IL1RL2: variants seen among roughly 807,000 people sequenced by gnomAD.
IL1RL2 encodes interleukin-1 receptor-like 2.
A neutral mutation model predicts 66.8 loss-of-function variants in IL1RL2; 68 were observed. The observed-to-expected ratio is 1.02, with a 90% CI of 0.84 to 1.25. IL1RL2 has a LOEUF of 1.25. Among genes scored for constraint, IL1RL2 ranks in the 50% most tolerant of loss-of-function variants. IL1RL2 has a pLI of 0.00. For synonymous variants in IL1RL2, 305 were observed against 264.6 expected (o/e 1.15, Z -1.48); for missense variants, 729 against 709.3 (o/e 1.03, Z -0.32).
At chr2:102,222,917 A>G (rs1472397380) in intron 8 of IL1RL2, among the ~76,000 whole-genome samples, 2 of 152,184 alleles carry the variant, frequency 1.3e-5, no homozygotes, top group Non-Finnish European at 2.9e-5. Context: ...TTCTTTACTG[A>G]ATAATATAGA....
rs747086664 is a variant in IL1RL2, at chr2:102,235,204, C to T, written c.1605C>T (p.His535=). The part of the protein sequence containing the change: ...KTKFWKTVRY[H]MPPRRCRPFP... ...AGTTTTGGAAGACAGTGAGATACCA[C>T]ATGCCGCCCAGAAGGTGTCGGCCGT... Residue 535 remains histidine, a synonymous_variant, in exon 11 of 12, where the codon CAC becomes CAT. Coordinates refer to ENST00000264257, the MANE Select transcript of IL1RL2 (RefSeq NM_003854.4). 1 of 1,614,240 alleles carries T rather than the reference C, an allele frequency of 6.2e-7. No homozygotes were observed. The highest frequency in any genetic ancestry group is 1.1e-5 in the South Asian group (1 of 91,088).
chr2:102,236,025 G>A (rs757645679), intron 11 of IL1RL2: 28 of 780,010 alleles, frequency 3.6e-5, no homozygotes, highest in Non-Finnish European at 4.2e-5. Flanking sequence ...TGTGAGAGAC[G>A]CAATTAGCAC....
At chr2:102,211,323 A>G (rs543693349) in intron 5 of IL1RL2, among the ~76,000 whole-genome samples, 1 of 152,330 alleles carries the variant, frequency 6.6e-6, no homozygotes, top group African/African-American at 2.4e-5. Flanking sequence ...GTAGAGAAAG[A>G]CTGAGGGGCA....
chr2:102,237,148 C>T (rs1674956051), intron 11 of IL1RL2, among the ~76,000 whole-genome samples: 2 of 152,212 alleles, frequency 1.3e-5, no homozygotes, highest in Admixed American at 1.3e-4. Flanking sequence ...CCCACTCTCC[C>T]CACACTGTGG....
intron 6 of IL1RL2, among the ~76,000 whole-genome samples, chr2:102,214,821 G>T (rs1362548250): frequency 6.6e-6 from 1 of 152,126 alleles, no homozygotes; most frequent in African/African-American, 2.4e-5. Flanking sequence ...CAACAAAATT[G>T]CTGACTAGGG....
chr2:102,205,423 A>T (rs1578128820), intron 5 of IL1RL2, among the ~76,000 whole-genome samples: 1 of 152,164 alleles, frequency 6.6e-6, no homozygotes, highest in East Asian at 1.9e-4. Context: ...TCCCTTTAAC[A>T]TTTCTTGTAG....
At position 102,204,534 on chromosome 2, in the gene IL1RL2, A is replaced by G. The variant is rs143497974; in HGVS notation, c.649+2819A>G. Among the ~76,000 whole-genome samples the G allele has an allele frequency of 1.3e-3, 194 of 152,188 alleles. 1 individual carries two copies. The highest frequency in any genetic ancestry group is 4.3e-3 in the African/African-American group (178 of 41,546). ...GAGCCTATCTTTCTCTTTAGCTCCA[A>G]TAATATTTGTTTTTATATCTGAGTG... On this transcript the variant is annotated intron_variant, in intron 5 of 11. Transcript: ENST00000264257.
At chr2:102,187,227 C>CT in intron 1 of IL1RL2, 141 bp downstream of exon 1, 1 of 1,203,410 alleles carries the variant, frequency 8.3e-7, no homozygotes, top group Non-Finnish European at 1.1e-6. Context: ...CCCCGACCGG[C>CT]TAGGTGACCA....
chr2:102,187,777 T>A, intron 1 of IL1RL2, 79 bp from the exon 2 acceptor site: 2 of 1,230,388 alleles, frequency 1.6e-6, no homozygotes, highest in Non-Finnish European at 2.4e-6. Context: ...GTCTTTGAGA[T>A]TCCGAGGTCG....
At position 102,210,023 on chromosome 2, in the gene IL1RL2, T is replaced by C. The variant is rs564727179; in HGVS notation, c.650-2077T>C. 2.0e-5 allele frequency among the ~76,000 whole-genome samples: 3 copies of C among 147,874 alleles called. No individual in the cohort carries two copies. The East Asian group carries it at 6.2e-4, about 30-fold the overall frequency. Reference sequence around the variant, plus strand: ...TCAGATAATTCACTAATAAGATGTGTAATTATAGGGAAGATGAAAGCGTGA... The same window carrying C: ...TCAGATAATTCACTAATAAGATGTGCAATTATAGGGAAGATGAAAGCGTGA... On this transcript the variant is annotated intron_variant, in intron 5 of 11. Coordinates refer to ENST00000264257, the MANE Select transcript of IL1RL2 (RefSeq NM_003854.4).
In IL1RL2 at chr2:102,187,981, C is replaced by T. The variant is rs1686843224; in HGVS notation, c.58+56C>T. 1.9e-6 allele frequency: 3 copies of T among 1,545,288 alleles called. No individual in the cohort carries two copies. In the Admixed American group the frequency reaches 5.0e-5, roughly 26 times the overall value. On this transcript the variant is annotated intron_variant, in intron 2 of 11. Coordinates refer to ENST00000264257, the MANE Select transcript of IL1RL2 (RefSeq NM_003854.4). ...GCTGCCCGAGTCCACAGGCTCCTGG[C>T]CTGTCATTGGGAGCCCCCGGGGATC...
chr2:102,194,727 AT>A (rs1414586176), intron 4 of IL1RL2, among the ~76,000 whole-genome samples: 2 of 146,220 alleles, frequency 1.4e-5, no homozygotes, highest in African/African-American at 4.9e-5. Flanking sequence ...TGTGTGTGTA[AT>A]TTTTTTCTTT....
chr2:102,232,825 C>A, intron 9 of IL1RL2, 138 bp from the exon 10 acceptor site: 2 of 869,834 alleles, frequency 2.3e-6, no homozygotes. Flanking sequence ...GCCCCTGGCA[C>A]CAAGTCAGCC....
At chr2:102,240,987 T>G (rs1197237420), downstream of IL1RL2, among the ~76,000 whole-genome samples, 1 of 152,266 alleles carries the variant, frequency 6.6e-6, no homozygotes, top group Admixed American at 6.5e-5. Flanking sequence ...GGTGCCTGCC[T>G]ACGGCGCCAT....
At chr2:102,236,595 A>G (rs1193233869) in intron 11 of IL1RL2, among the ~76,000 whole-genome samples, 2 of 152,212 alleles carry the variant, frequency 1.3e-5, no homozygotes, top group African/African-American at 2.4e-5. Flanking sequence ...CTATATGAAC[A>G]TAAAATTCAC....
intron 11 of IL1RL2, among the ~76,000 whole-genome samples, chr2:102,237,967 T>C (rs1219949012): frequency 6.6e-6 from 1 of 152,214 alleles, no homozygotes; most frequent in East Asian, 1.9e-4. Flanking sequence ...TCCAGAATTC[T>C]ACTCCAAGCA....
chr2:102,239,517 C>T lies in IL1RL2; in HGVS notation c.*276C>T. The T allele has an allele frequency of 2.6e-6, 1 of 379,234 alleles. No homozygotes were observed. Among genetic ancestry groups the T allele is most frequent in the Non-Finnish European group, 5.1e-6 (1 of 197,476 alleles). The allele number at this position is 379,234 out of a possible 1,614,324, so 23.5% of individuals were successfully genotyped here. ...GGTGAGGGCTGGTCGGGGGAGGCAT[C>T]CCCAAGTCATGGTGGGTGAGAGCTC... On this transcript the variant is annotated 3_prime_UTR_variant, in exon 12 of 12. Coordinates refer to ENST00000264257, the MANE Select transcript of IL1RL2 (RefSeq NM_003854.4).
chr2:102,215,516 C>T (rs1689533058), intron 6 of IL1RL2, among the ~76,000 whole-genome samples: 1 of 152,240 alleles, frequency 6.6e-6, no homozygotes, highest in Non-Finnish European at 1.5e-5. Flanking sequence ...CTTTCCCTAG[C>T]CAGCAGACCT....
At chr2:102,188,033 C>T (rs1686851295) in intron 2 of IL1RL2, 108 bp downstream of exon 2, 1 of 1,006,894 alleles carries the variant, frequency 9.9e-7, no homozygotes, top group Non-Finnish European at 1.6e-6. Context: ...GGCTCCTTCC[C>T]CTCCCCAGAC....
Sources: allele counts gnomAD v4.1 joint callset (sites outside exome capture counted in the v4.1 genomes callset), GRCh38; gene constraint gnomAD v4.1.1; transcripts MANE v1.5; gene names NCBI Gene and HGNC (gene_info 2026-07-23, HGNC 2026-07-21).